CMSS1: variants seen among roughly 807,000 people sequenced by gnomAD.
CMSS1 encodes the protein protein CMSS1.
CMSS1 carries 33 observed loss-of-function variants against 43.5 expected under a neutral mutation model. That is an observed-to-expected ratio of 0.76 (90% confidence interval 0.57 to 1.01). The LOEUF (loss-of-function observed/expected upper bound fraction) is 1.01, where lower values mean the gene tolerates loss of function less well. Ranked by LOEUF, CMSS1 falls within the 50% of genes least tolerant of loss-of-function variation. The pLI is 0.00. For missense variants in CMSS1, 313 were observed against 326.4 expected, an observed-to-expected ratio of 0.96 and a Z score of 0.32; for synonymous variants, 115 against 117.2, an observed-to-expected ratio of 0.98 and a Z score of 0.12.
At chr3:99,870,114 G>C (rs946168586) in intron 1 of CMSS1, among the ~76,000 whole-genome samples, 2 of 152,152 alleles carry the variant, frequency 1.3e-5, no homozygotes, top group Non-Finnish European at 2.9e-5. Flanking sequence ...TCCCATGAGG[G>C]TTATTGCTCA....
intron 1 of CMSS1, chr3:99,833,324 G>C (rs1942763354): frequency 7.0e-7 from 1 of 1,422,074 alleles, no homozygotes; most frequent in Middle Eastern, 1.8e-4. Context: ...AAAAGTGTTG[G>C]TTTGTTTTAT....
chr3:99,821,401 T>TC (rs1322771031), intron 1 of CMSS1, among the ~76,000 whole-genome samples: 1 of 152,212 alleles, frequency 6.6e-6, no homozygotes, highest in Non-Finnish European at 1.5e-5. Flanking sequence ...GTCTAGTCAC[T>TC]CCATTGGTGG....
chr3:99,903,087 A>T (rs1255274664), intron 1 of CMSS1, among the ~76,000 whole-genome samples: 1 of 152,010 alleles, frequency 6.6e-6, no homozygotes, highest in Non-Finnish European at 1.5e-5. Context: ...TACCTTATTT[A>T]TCATCTCAGG....
At chr3:99,977,511 A>T (rs1423770455) in intron 1 of CMSS1, among the ~76,000 whole-genome samples, 2 of 152,156 alleles carry the variant, frequency 1.3e-5, no homozygotes, top group African/African-American at 4.8e-5. Context: ...CAATATACCT[A>T]AATTACTTGT....
chr3:100,004,350 G>T (rs570518503), intron 1 of CMSS1, among the ~76,000 whole-genome samples: 94 of 152,212 alleles, frequency 6.2e-4, no homozygotes, highest in African/African-American at 2.1e-3. Flanking sequence ...TCTATTCTCT[G>T]TGTATTGTGA....
At chr3:99,842,286 G>A (rs906641751) in intron 1 of CMSS1, among the ~76,000 whole-genome samples, 24 of 152,162 alleles carry the variant, frequency 1.6e-4, no homozygotes, top group African/African-American at 5.8e-4. Flanking sequence ...TAAGCTATGA[G>A]GACACAGAGG....
intron 1 of CMSS1, among the ~76,000 whole-genome samples, chr3:100,004,994 A>T (rs988484481): frequency 6.6e-6 from 1 of 152,200 alleles, no homozygotes; most frequent in Non-Finnish European, 1.5e-5. Flanking sequence ...CAATTTGAGA[A>T]ATCAAGGCTG....
chr3:100,057,601 G>A (rs7647466), intron 1 of CMSS1, among the ~76,000 whole-genome samples: 10,071 of 152,162 alleles, frequency 0.066, 399 homozygotes, highest in Middle Eastern at 0.085. Context: ...TGTCCCCTTG[G>A]TTATCTGTTA....
intron 1 of CMSS1, among the ~76,000 whole-genome samples, chr3:99,826,675 T>C (rs1942542091): frequency 6.6e-6 from 1 of 152,168 alleles, no homozygotes; most frequent in African/African-American, 2.4e-5. Context: ...CCAGAGAGAA[T>C]TGTGTTTTAC....
At chr3:99,979,452 G>A (rs899819987) in intron 1 of CMSS1, among the ~76,000 whole-genome samples, 6 of 152,150 alleles carry the variant, frequency 3.9e-5, no homozygotes, top group Non-Finnish European at 8.8e-5. Context: ...TTCTATGTGG[G>A]AACTAAATTT....
At chr3:100,094,468 T>C (rs1328136464) in intron 1 of CMSS1, among the ~76,000 whole-genome samples, 3 of 152,158 alleles carry the variant, frequency 2.0e-5, no homozygotes, top group Admixed American at 6.5e-5. Context: ...TTATGGATTA[T>C]ACTTTTGGTG....
intron 1 of CMSS1, among the ~76,000 whole-genome samples, chr3:100,124,140 G>A (rs2066643849): frequency 6.6e-6 from 1 of 152,070 alleles, no homozygotes; most frequent in Admixed American, 6.5e-5. Flanking sequence ...CATACAAAAA[G>A]TTTTTTAAGA....
chr3:99,868,558 G>A (rs150127030), intron 1 of CMSS1, among the ~76,000 whole-genome samples: 303 of 152,282 alleles, frequency 2.0e-3, no homozygotes, highest in African/African-American at 6.8e-3. Flanking sequence ...TAAGCTTCAG[G>A]TTAAGAAGTG....
At chr3:99,866,739 C>G (rs1944540973) in intron 1 of CMSS1, among the ~76,000 whole-genome samples, 1 of 152,154 alleles carries the variant, frequency 6.6e-6, no homozygotes, top group South Asian at 2.1e-4. Flanking sequence ...CTTCCTAGTT[C>G]CTGAGGATGA....
At chr3:100,113,247 T>C (rs894107411) in intron 1 of CMSS1, among the ~76,000 whole-genome samples, 2 of 152,380 alleles carry the variant, frequency 1.3e-5, no homozygotes, top group South Asian at 2.1e-4. Flanking sequence ...TATACAAAAC[T>C]GTGCAGCCAC....
At chr3:99,976,761 G>T (rs987023927) in intron 1 of CMSS1, among the ~76,000 whole-genome samples, 2 of 151,974 alleles carry the variant, frequency 1.3e-5, no homozygotes, top group Non-Finnish European at 2.9e-5. Context: ...GAGTTCTTCA[G>T]GTTTCTTGGA....
intron 1 of CMSS1, among the ~76,000 whole-genome samples, chr3:100,070,341 T>C: frequency 6.6e-6 from 1 of 152,138 alleles, no homozygotes; most frequent in Middle Eastern, 3.2e-3. Context: ...AATAGACATA[T>C]CTGAAATGAC....
intron 1 of CMSS1, among the ~76,000 whole-genome samples, chr3:99,939,611 A>G (rs947457093): frequency 2.0e-5 from 3 of 152,202 alleles, no homozygotes; most frequent in African/African-American, 7.2e-5. Flanking sequence ...TACTCAGGGA[A>G]GATCTTAGCA....
chr3:100,056,140 G>T (rs555479861), intron 1 of CMSS1, among the ~76,000 whole-genome samples: 1 of 152,324 alleles, frequency 6.6e-6, no homozygotes, highest in South Asian at 2.1e-4. Flanking sequence ...AGGGAGTAGA[G>T]AAGAAAGCTA....
Sources: allele counts gnomAD v4.1 joint callset (sites outside exome capture counted in the v4.1 genomes callset), GRCh38; gene constraint gnomAD v4.1.1; transcripts MANE v1.5; gene names NCBI Gene and HGNC (gene_info 2026-07-23, HGNC 2026-07-21).